TBCK: variants seen among roughly 807,000 people sequenced by gnomAD.
TBCK encodes TBC1 domain containing kinase.
TBCK carries 99 observed loss-of-function variants against 113.4 expected under a neutral mutation model. That is an observed-to-expected ratio of 0.87 (90% CI 0.74 to 1.03). The LOEUF is 1.03. Among genes scored for constraint, TBCK ranks in the 50% least tolerant of loss-of-function variants. TBCK has a pLI of 0.00. For missense variants in TBCK, 1,045 were observed against 1,061.3 expected (o/e 0.98, Z 0.21); for synonymous variants, 369 against 370.8 (o/e 1.00, Z 0.05).
Position 106,049,530 on chromosome 4 carries a change from G to T in TBCK, c.2572-2850C>A, listed in dbSNP as rs190561451. On this transcript the variant is annotated intron_variant, in intron 25 of 25. Transcript: ENST00000394708. ...AGGGAGGAAAGAAAAGGCTGTGAAT[G>T]TGCTGGGGTAGATTTCCACAGTGTT... is the stretch of plus-strand genomic sequence containing the variant. 5.9e-4 allele frequency among the ~76,000 whole-genome samples: 90 copies of T among 152,192 alleles called. 3 individuals carry two copies. Among genetic ancestry groups the T allele is most frequent in the Admixed American group, 1.7e-3 (26 of 15,260 alleles).
At chr4:106,187,944 T>C (rs920911877) in intron 22 of TBCK, among the ~76,000 whole-genome samples, 1 of 152,188 alleles carries the variant, frequency 6.6e-6, no homozygotes, top group Non-Finnish European at 1.5e-5. Flanking sequence ...CTAGGAGCTC[T>C]TGAGCAGAGG....
At chr4:106,273,406 C>T (rs1458939716) in intron 3 of TBCK, among the ~76,000 whole-genome samples, 1 of 152,166 alleles carries the variant, frequency 6.6e-6, no homozygotes, top group Non-Finnish European at 1.5e-5. Context: ...TGAAATCTAA[C>T]AGAAAATCTT....
intron 2 of TBCK, among the ~76,000 whole-genome samples, chr4:106,295,400 T>C (rs930986702): frequency 6.6e-6 from 1 of 152,110 alleles, no homozygotes; most frequent in Admixed American, 6.5e-5. Context: ...TTTTCTTACA[T>C]ACGTCAGGAA....
intron 19 of TBCK, among the ~76,000 whole-genome samples, chr4:106,214,584 C>G (rs906660855): frequency 2.6e-5 from 4 of 151,942 alleles, no homozygotes; most frequent in African/African-American, 9.7e-5. Context: ...GCGTCAGGAG[C>G]CGATGCGATC....
At chr4:106,250,604 G>A in intron 6 of TBCK, 126 bp from the exon 7 acceptor site, 1 of 544,614 alleles carries the variant, frequency 1.8e-6, no homozygotes, top group Non-Finnish European at 3.3e-6. Context: ...AAGTTTTAAT[G>A]GATTTTTAAA....
chr4:106,248,363 T>C, intron 8 of TBCK, 57 bp from the exon 9 acceptor site: 1 of 1,226,930 alleles, frequency 8.2e-7, no homozygotes, highest in South Asian at 1.5e-5. Flanking sequence ...GAAATATACT[T>C]TATTCAAATG....
rs1470414512 is a variant in TBCK, at chr4:106,140,605, C to T, written c.2236-24227G>A. On this transcript the variant is annotated intron_variant, in intron 23 of 25. Transcript: ENST00000394708. ...TCACTAGAAACAACAATCACCTTTC[C>T]AAACAATCCAGGTACAAATAATGTC... Among the ~76,000 whole-genome samples the T allele has an allele frequency of 1.4e-5, 2 of 141,124 alleles. 1 individual carries two copies. The highest frequency in any genetic ancestry group is 3.2e-5 in the Non-Finnish European group (2 of 62,092). 92.6% of individuals were successfully genotyped at this position (141,124 alleles called of 152,430 possible).
chr4:106,165,044 GAACTT>G (rs1428037604), intron 23 of TBCK, among the ~76,000 whole-genome samples: 2 of 151,510 alleles, frequency 1.3e-5, no homozygotes, highest in African/African-American at 2.4e-5. Flanking sequence ...GGTATTCAAA[GAACTT>G]AACAATAATT....
Position 106,231,599 on chromosome 4 carries a change from T to C in TBCK, c.1690+130A>G. On this transcript the variant is annotated intron_variant, in intron 18 of 25. Coordinates refer to ENST00000394708, the MANE Select transcript of TBCK (RefSeq NM_001163435.3). ...TCACATCTCTAAAATGAGTCTATAA[T>C]AGATTATTTCACAGAAATCTACCAG... The C allele has an allele frequency of 6.7e-6, 5 of 744,782 alleles. No individual in the cohort carries two copies. The South Asian group carries it at 1.0e-4, about 15-fold the overall frequency. 46.1% of individuals were successfully genotyped at this position (744,782 alleles called of 1,614,324 possible).
chr4:106,162,690 A>T (rs1749932974), intron 23 of TBCK, among the ~76,000 whole-genome samples: 1 of 152,182 alleles, frequency 6.6e-6, no homozygotes, highest in Non-Finnish European at 1.5e-5. Flanking sequence ...TTACACCCTT[A>T]GAAGCAAGGG....
rs753505933 is a variant in TBCK, at chr4:106,046,528, G to T, written c.*42C>A. 9.3e-7 allele frequency: 1 copy of T among 1,080,258 alleles called. No homozygotes were observed. Among genetic ancestry groups the T allele is most frequent in the Non-Finnish European group, 1.4e-6 (1 of 696,230 alleles). The allele number at this position is 1,080,258 out of a possible 1,614,324, so 66.9% of individuals were successfully genotyped here. On this transcript the variant is annotated 3_prime_UTR_variant, in exon 26 of 26. Coordinates refer to ENST00000394708, the MANE Select transcript of TBCK (RefSeq NM_001163435.3). ...GGATATGAAGAACTGTGCTGTTGGT[G>T]CTGATGCCACACTAAGTTTTGGCAG...
intron 20 of TBCK, 42 bp from the exon 21 acceptor site, chr4:106,194,796 A>T: frequency 6.7e-7 from 1 of 1,487,236 alleles, no homozygotes; most frequent in Non-Finnish European, 9.1e-7. Context: ...ATAAAAAGGA[A>T]ATAAAAAAGA....
chr4:106,216,710 T>C (rs1756975817), intron 19 of TBCK, among the ~76,000 whole-genome samples: 1 of 152,124 alleles, frequency 6.6e-6, no homozygotes, highest in South Asian at 2.1e-4. Context: ...GGATCTGAGA[T>C]TGTGGCAATA....
chr4:106,057,705 T>C (rs1344540296), intron 25 of TBCK, among the ~76,000 whole-genome samples: 3 of 151,786 alleles, frequency 2.0e-5, no homozygotes, highest in Non-Finnish European at 4.4e-5. Flanking sequence ...TCACCCTCTC[T>C]GTAAAGCTTT....
intron 24 of TBCK, among the ~76,000 whole-genome samples, chr4:106,106,397 C>A (rs754806082): frequency 6.6e-6 from 1 of 152,108 alleles, no homozygotes. Context: ...AGAGAGAACT[C>A]GGGCAGGTCA....
intron 22 of TBCK, among the ~76,000 whole-genome samples, chr4:106,186,676 A>G (rs2149793591): frequency 6.6e-6 from 1 of 152,194 alleles, no homozygotes; most frequent in East Asian, 1.9e-4. Flanking sequence ...CCCATTTTGT[A>G]GGTTGTCTGT....
intron 3 of TBCK, among the ~76,000 whole-genome samples, chr4:106,269,977 C>T (rs1399556102): frequency 6.6e-6 from 1 of 152,070 alleles, no homozygotes; most frequent in African/African-American, 2.4e-5. Flanking sequence ...TTCACCCTGC[C>T]TCCATTTGCA....
intron 3 of TBCK, among the ~76,000 whole-genome samples, chr4:106,279,358 C>T (rs1186325280): frequency 3.9e-5 from 6 of 151,968 alleles, no homozygotes; most frequent in Non-Finnish European, 2.9e-5. Context: ...TTATGTGGTA[C>T]ATGATATATT....
intron 2 of TBCK, among the ~76,000 whole-genome samples, chr4:106,305,010 T>C (rs554437161): frequency 1.5e-4 from 23 of 152,336 alleles, no homozygotes; most frequent in African/African-American, 5.5e-4. Context: ...ACTACCTCCA[T>C]GAGTTGCATT....
Sources: allele counts gnomAD v4.1 joint callset (sites outside exome capture counted in the v4.1 genomes callset), GRCh38; gene constraint gnomAD v4.1.1; transcripts MANE v1.5; gene names NCBI Gene and HGNC (gene_info 2026-07-23, HGNC 2026-07-21).